Variants in CAMKMT observed in about 807,000 individuals in gnomAD.
The protein encoded by CAMKMT is calmodulin-lysine N-methyltransferase.
CAMKMT carries 53 observed loss-of-function variants against 48.0 expected under a neutral mutation model. The observed-to-expected ratio is 1.10, with a 90% CI of 0.89 to 1.39. CAMKMT has a LOEUF of 1.39. Ranked by LOEUF, CAMKMT falls within the 40% of genes most tolerant of loss-of-function variation. CAMKMT has a pLI of 0.00. For synonymous variants in CAMKMT, 165 were observed against 152.3 expected (o/e 1.08, Z -0.61); for missense variants, 428 against 402.7 (o/e 1.06, Z -0.54).
intron 3 of CAMKMT, among the ~76,000 whole-genome samples, chr2:44,425,707 C>G (rs558566127): frequency 6.6e-6 from 1 of 151,466 alleles, no homozygotes; most frequent in South Asian, 2.1e-4. Flanking sequence ...TGTATTATCT[C>G]TCTGGTTCTA....
chr2:44,465,762 A>T (rs1173429953), intron 3 of CAMKMT, among the ~76,000 whole-genome samples: 1 of 152,194 alleles, frequency 6.6e-6, no homozygotes, highest in Non-Finnish European at 1.5e-5. Context: ...ATTTAATTAT[A>T]AAAACTTCAA....
chr2:44,453,639 A>G (rs536907691), intron 3 of CAMKMT, among the ~76,000 whole-genome samples: 21 of 152,214 alleles, frequency 1.4e-4, no homozygotes, highest in African/African-American at 4.3e-4. Context: ...AATTTGTATC[A>G]TGTAGTTTAT....
intron 3 of CAMKMT, among the ~76,000 whole-genome samples, chr2:44,651,083 T>C (rs1416462103): frequency 6.6e-6 from 1 of 152,218 alleles, no homozygotes; most frequent in Non-Finnish European, 1.5e-5. Context: ...CTATTGCTGA[T>C]GGTGATATAA....
At chr2:44,659,011 G>A (rs1254960584) in intron 3 of CAMKMT, among the ~76,000 whole-genome samples, 2 of 144,394 alleles carry the variant, frequency 1.4e-5, no homozygotes, top group Admixed American at 1.4e-4. Context: ...ATCCCATGTT[G>A]TTAGCTGTTG....
At chr2:44,679,964 C>G (rs1675927718) in intron 3 of CAMKMT, among the ~76,000 whole-genome samples, 1 of 152,180 alleles carries the variant, frequency 6.6e-6, no homozygotes. Flanking sequence ...TTTGATTGTT[C>G]TTTTTCTTAT....
intron 3 of CAMKMT, among the ~76,000 whole-genome samples, chr2:44,517,538 A>G (rs574910254): frequency 6.6e-6 from 1 of 152,292 alleles, no homozygotes; most frequent in Admixed American, 6.5e-5. Context: ...CACTATCTCA[A>G]CAGGGAGTGG....
chr2:44,723,250 G>A lies in CAMKMT; in HGVS notation c.623+7897G>A, dbSNP rs187066819. 2.3e-3 allele frequency among the ~76,000 whole-genome samples: 346 copies of A among 152,270 alleles called. 1 individual carries two copies. Among genetic ancestry groups the A allele is most frequent in the African/African-American group, 7.9e-3 (327 of 41,558 alleles). Reference sequence around the variant, plus strand: ...TGGGGACCACCAAACTAGAGTTCTCGCTGAGAGCTTCTCATTCAATTCTGC... The same window carrying A: ...TGGGGACCACCAAACTAGAGTTCTCACTGAGAGCTTCTCATTCAATTCTGC... On this transcript the variant is annotated intron_variant, in intron 7 of 10. Coordinates refer to ENST00000378494, the MANE Select transcript of CAMKMT (RefSeq NM_024766.5).
intron 3 of CAMKMT, among the ~76,000 whole-genome samples, chr2:44,398,404 A>G (rs1682049810): frequency 3.3e-5 from 5 of 152,220 alleles, no homozygotes; most frequent in African/African-American, 1.2e-4. Context: ...TTAAAGGTCA[A>G]GAAAAATGGG....
intron 3 of CAMKMT, among the ~76,000 whole-genome samples, chr2:44,514,938 A>G (rs1376778550): frequency 1.3e-5 from 2 of 152,226 alleles, no homozygotes; most frequent in Non-Finnish European, 2.9e-5. Flanking sequence ...ACAGATGAGA[A>G]CTTGGTATAT....
chr2:44,462,695 T>C (rs1332802855), intron 3 of CAMKMT, among the ~76,000 whole-genome samples: 1 of 152,180 alleles, frequency 6.6e-6, no homozygotes, highest in African/African-American at 2.4e-5. Context: ...GTCCTTGCGT[T>C]CATTGCTTAG....
At chr2:44,549,948 T>G (rs1667617063) in intron 3 of CAMKMT, among the ~76,000 whole-genome samples, 1 of 152,166 alleles carries the variant, frequency 6.6e-6, no homozygotes, top group Admixed American at 6.5e-5. Flanking sequence ...ATAGGATAGA[T>G]TCATTCTGAC....
chr2:44,747,117 C>G (rs1458621910), intron 8 of CAMKMT, among the ~76,000 whole-genome samples: 2 of 152,276 alleles, frequency 1.3e-5, no homozygotes, highest in Admixed American at 6.5e-5. Flanking sequence ...GCCTGCAGCC[C>G]GAGACTTTGG....
intron 2 of CAMKMT, among the ~76,000 whole-genome samples, chr2:44,375,994 G>T (rs1679650781): frequency 6.6e-6 from 1 of 151,712 alleles, no homozygotes; most frequent in Admixed American, 6.6e-5. Flanking sequence ...CACCATGTTG[G>T]GCAGGCTGGT....
At chr2:44,386,242 T>G (rs1680766992) in intron 2 of CAMKMT, among the ~76,000 whole-genome samples, 1 of 152,046 alleles carries the variant, frequency 6.6e-6, no homozygotes, top group South Asian at 2.1e-4. Context: ...TTTCCTGATT[T>G]AAGCTAGGAG....
intron 3 of CAMKMT, among the ~76,000 whole-genome samples, chr2:44,470,820 C>G (rs1224019793): frequency 6.6e-6 from 1 of 152,078 alleles, no homozygotes; most frequent in Non-Finnish European, 1.5e-5. Context: ...AGATTAACCA[C>G]TTTTCATGTA....
At chr2:44,442,385 C>T (rs756033282) in intron 3 of CAMKMT, among the ~76,000 whole-genome samples, 3 of 151,972 alleles carry the variant, frequency 2.0e-5, no homozygotes, top group Admixed American at 1.3e-4. Context: ...CATACATGTT[C>T]GTATACATAT....
intron 3 of CAMKMT, among the ~76,000 whole-genome samples, chr2:44,571,737 A>C (rs1236490830): frequency 6.6e-6 from 1 of 152,054 alleles, no homozygotes; most frequent in Non-Finnish European, 1.5e-5. Flanking sequence ...TGCCCTGGAG[A>C]CTGAGGCAGG....
At chr2:44,469,082 G>C (rs1169245070) in intron 3 of CAMKMT, among the ~76,000 whole-genome samples, 1 of 152,160 alleles carries the variant, frequency 6.6e-6, no homozygotes, top group Non-Finnish European at 1.5e-5. Flanking sequence ...CAATATTAAA[G>C]CTAGATGAGA....
chr2:44,453,244 T>C (rs1359826552), intron 3 of CAMKMT, among the ~76,000 whole-genome samples: 1 of 152,028 alleles, frequency 6.6e-6, no homozygotes. Context: ...TATTTACTTA[T>C]ACTCACATAT....
Sources: gnomAD v4.1 joint callset for allele counts (sites outside exome capture counted in the v4.1 genomes callset) on GRCh38, gnomAD v4.1.1 for gene constraint, MANE v1.5 for transcripts, NCBI Gene and HGNC (gene_info 2026-07-23, HGNC 2026-07-21) for gene names.